SORD: variants seen among roughly 807,000 people sequenced by gnomAD.
SORD encodes the protein sorbitol dehydrogenase.
SORD carries 18 observed loss-of-function variants against 35.6 expected under a neutral mutation model. The ratio of observed to expected loss-of-function variants is 0.51; its 90% confidence interval spans 0.35 to 0.75. The LOEUF is 0.75. Among genes scored for constraint, SORD ranks in the 30% least tolerant of loss-of-function variants. The pLI, the probability that SORD is intolerant of heterozygous loss-of-function variation, is 0.01. For missense variants in SORD, 250 were observed against 390.2 expected (o/e 0.64, Z 3.03); for synonymous variants, 106 against 152.9 (o/e 0.69, Z 2.26).
chr15:45,063,671 C>T (rs536298260), intron 4 of SORD, among the ~76,000 whole-genome samples: 76 of 152,278 alleles, frequency 5.0e-4, no homozygotes, highest in African/African-American at 1.2e-3. Flanking sequence ...CATCTCTCCT[C>T]GATGTAGTTT....
At chr15:45,025,496 T>C (rs1343855296) in intron 1 of SORD, among the ~76,000 whole-genome samples, 1 of 151,820 alleles carries the variant, frequency 6.6e-6, no homozygotes, top group Non-Finnish European at 1.5e-5. Flanking sequence ...ATTAGCTGGG[T>C]GTGGTGCCAC....
At chr15:45,056,870 T>C (rs1217871502) in intron 3 of SORD, among the ~76,000 whole-genome samples, 1 of 152,180 alleles carries the variant, frequency 6.6e-6, no homozygotes, top group Non-Finnish European at 1.5e-5. Context: ...CAGTCACAGG[T>C]GTAGTAATTG....
chr15:45,026,920 A>G (rs74011304), intron 1 of SORD, among the ~76,000 whole-genome samples: 28,022 of 144,412 alleles, frequency 0.19, no homozygotes, highest in African/African-American at 0.44. Context: ...GAAACCTACC[A>G]CACAGCCTCC....
At chr15:45,072,541 G>A in intron 8 of SORD, 103 bp downstream of exon 8, 1 of 437,210 alleles carries the variant, frequency 2.3e-6, no homozygotes, top group Non-Finnish European at 4.3e-6. Flanking sequence ...TTGTTCATGG[G>A]GGGCACTCCC....
intron 3 of SORD, among the ~76,000 whole-genome samples, chr15:45,055,413 A>C (rs910140343): frequency 6.6e-6 from 1 of 152,218 alleles, no homozygotes; most frequent in African/African-American, 2.4e-5. Flanking sequence ...ATTCCTCGAC[A>C]CATACACTCT....
chr15:45,064,035 T>C (rs939764962), intron 4 of SORD, among the ~76,000 whole-genome samples: 11 of 148,786 alleles, frequency 7.4e-5, no homozygotes, highest in African/African-American at 2.5e-4. Flanking sequence ...CTGTTGAAGA[T>C]TGGAGACAGT....
chr15:45,055,784 A>G (rs1893204934), intron 3 of SORD, among the ~76,000 whole-genome samples: 1 of 152,198 alleles, frequency 6.6e-6, no homozygotes, highest in African/African-American at 2.4e-5. Context: ...TCAAAAACTT[A>G]TCCACCATGA....
intron 7 of SORD, among the ~76,000 whole-genome samples, chr15:45,071,154 A>G (rs111842537): frequency 0.04 from 5,929 of 148,098 alleles, no homozygotes; most frequent in African/African-American, 0.12. Flanking sequence ...TGCAGATGCC[A>G]TACCTACAGG....
chr15:45,040,352 C>G, intron 1 of SORD, 56 bp from the exon 2 acceptor site: 1 of 988,792 alleles, frequency 1.0e-6, no homozygotes, highest in East Asian at 2.4e-5. Flanking sequence ...GGAAAATGTT[C>G]ATAAGGTGAA....
chr15:45,037,151 T>C (rs1273149123), intron 1 of SORD, among the ~76,000 whole-genome samples: 2 of 152,020 alleles, frequency 1.3e-5, no homozygotes, highest in Admixed American at 1.3e-4. Flanking sequence ...AGAAAAAGAA[T>C]GGAAAAAGAA....
intron 7 of SORD, among the ~76,000 whole-genome samples, chr15:45,069,370 C>G (rs948416148): frequency 6.6e-6 from 1 of 151,812 alleles, no homozygotes; most frequent in Non-Finnish European, 1.5e-5. Flanking sequence ...CCATGCCCAG[C>G]TAAGTTTTTT....
chr15:45,068,015 T>C (rs925789466), intron 5 of SORD, among the ~76,000 whole-genome samples, 166 bp from the exon 6 acceptor site: 7 of 152,296 alleles, frequency 4.6e-5, no homozygotes, highest in African/African-American at 9.6e-5. Context: ...TTCATGGATT[T>C]ATTCACTTCT....
chr15:45,055,650 A>T (rs1210312619), intron 3 of SORD, among the ~76,000 whole-genome samples: 2 of 152,232 alleles, frequency 1.3e-5, no homozygotes, highest in East Asian at 3.8e-4. Context: ...TGAGGCCAGC[A>T]TCATCCTGAT....
intron 1 of SORD, among the ~76,000 whole-genome samples, chr15:45,037,494 CTG>C (rs1892888190): frequency 6.6e-6 from 1 of 152,130 alleles, no homozygotes; most frequent in African/African-American, 2.4e-5. Flanking sequence ...CTTTCAGTGT[CTG>C]TGAATTTGCC....
At chr15:45,064,713 A>G (rs1240716033) in intron 4 of SORD, among the ~76,000 whole-genome samples, 1 of 152,212 alleles carries the variant, frequency 6.6e-6, no homozygotes, top group Non-Finnish European at 1.5e-5. Flanking sequence ...AACTGGTGAT[A>G]GTCAGGATTG....
At chr15:45,068,032 A>G in intron 5 of SORD, 149 bp from the exon 6 acceptor site, 1 of 670,344 alleles carries the variant, frequency 1.5e-6, no homozygotes, top group Non-Finnish European at 2.8e-6. Flanking sequence ...TTCTGCATTC[A>G]ACAAACAGCC....
intron 1 of SORD, among the ~76,000 whole-genome samples, chr15:45,038,327 T>C (rs1451288882): frequency 1.3e-5 from 2 of 152,182 alleles, no homozygotes. Context: ...CTCAGTCTCA[T>C]CACATGAAAA....
intron 4 of SORD, among the ~76,000 whole-genome samples, chr15:45,063,395 G>T (rs987238633): frequency 2.5e-3 from 377 of 151,832 alleles, no homozygotes; most frequent in African/African-American, 8.7e-3. Flanking sequence ...GAAAGGTTGG[G>T]GCTGGGAAGA....
intron 4 of SORD, among the ~76,000 whole-genome samples, chr15:45,063,281 C>T (rs1218591741): frequency 6.6e-6 from 1 of 151,968 alleles, no homozygotes; most frequent in African/African-American, 2.4e-5. Context: ...TTTCCTGCTT[C>T]TCCTTGGCTT....
Sources: gnomAD v4.1 joint callset for allele counts (sites outside exome capture counted in the v4.1 genomes callset) on GRCh38, gnomAD v4.1.1 for gene constraint, MANE v1.5 for transcripts, NCBI Gene and HGNC (gene_info 2026-07-23, HGNC 2026-07-21) for gene names.